PHYKPL: variants seen among roughly 807,000 people sequenced by gnomAD.
PHYKPL encodes the protein 5-phosphohydroxy-L-lysine phospho-lyase.
A neutral mutation model predicts 51.3 loss-of-function variants in PHYKPL; 42 were observed. That is an observed-to-expected ratio of 0.82 (90% CI 0.64 to 1.06). The LOEUF (loss-of-function observed/expected upper bound fraction) is 1.06. PHYKPL is among the 50% of genes least tolerant of loss of function. The probability of loss-of-function intolerance (pLI) is 0.00; values close to 1 mark genes in which losing one functional copy is unlikely to be tolerated. For missense variants in PHYKPL, 655 were observed against 586.6 expected (o/e 1.12, Z -1.20); for synonymous variants, 264 against 236.0 (o/e 1.12, Z -1.09).
intron 12 of PHYKPL, chr5:178,211,220 C>CGGGGG (rs56204741): frequency 2.1e-5 from 3 of 140,248 alleles, no homozygotes; most frequent in African/African-American, 8.0e-5. Context: ...TCGAGGGAGG[C>CGGGGG]GGGGGGGGGG....
chr5:178,223,943 G>T, intron 6 of PHYKPL: 1 of 192,386 alleles, frequency 5.2e-6, no homozygotes. Flanking sequence ...CCTCCACATA[G>T]CCCTGGAGTC....
At chr5:178,223,586 TCTC>T in intron 6 of PHYKPL, 1 of 419,686 alleles carries the variant, frequency 2.4e-6, no homozygotes, top group South Asian at 1.7e-5. Flanking sequence ...ATCAGAGCAA[TCTC>T]CTTTTTTAGG....
Position 178,231,448 on chromosome 5 carries a change from T to C in PHYKPL, c.135A>G (p.Glu45=), listed in dbSNP as rs147598478. 8.1e-5 allele frequency: 130 copies of C among 1,614,208 alleles called. No homozygotes were observed. The highest frequency in any genetic ancestry group is 3.3e-4 in the Middle Eastern group (2 of 6,062). Residue 45 remains glutamate (E), a synonymous_variant, in exon 2 of 13, where the codon GAA becomes GAG. Transcript: ENST00000308158. ...TGCAATCGATGTATTCTGCCCCCTGTTCATCGTACATGTACTGCCCTTGGG... is the reference window on the plus strand; with the variant it reads ...TGCAATCGATGTATTCTGCCCCCTGCTCATCGTACATGTACTGCCCTTGGG... ...VRAQGQYMYD[E]QGAEYIDCIS...
At chr5:178,225,253 C>T (rs1384804451) in intron 4 of PHYKPL, 102 bp downstream of exon 4, 3 of 1,365,234 alleles carry the variant, frequency 2.2e-6, no homozygotes, top group Admixed American at 3.8e-5. Context: ...AGCCCAGGCC[C>T]CTTATCCTCC....
chr5:178,217,220 CAACA>C lies in PHYKPL; in HGVS notation c.928-1794_928-1791del, dbSNP rs1759982002. On this transcript the variant is annotated intron_variant, in intron 8 of 12. Coordinates refer to ENST00000308158, the MANE Select transcript of PHYKPL (RefSeq NM_153373.4). Reference sequence around the variant, plus strand: ...AAATGAAGCATTTACTAGAGAGGCTCAACAGATTTTTTTTTTTTTTTTGAGACAG... The same window carrying C: ...AAATGAAGCATTTACTAGAGAGGCTCGATTTTTTTTTTTTTTTTGAGACAG... Among the ~76,000 whole-genome samples the C allele has an allele frequency of 2.1e-5, 3 of 144,728 alleles. No homozygotes were observed. The South Asian group carries it at 6.5e-4, about 32-fold the overall frequency. The allele number at this position is 144,728 out of a possible 152,430, so 94.9% of individuals were successfully genotyped here.
At chr5:178,229,754 G>A in intron 3 of PHYKPL, 186 bp downstream of exon 3, 1 of 619,278 alleles carries the variant, frequency 1.6e-6, no homozygotes, top group South Asian at 2.5e-5. Flanking sequence ...TTCAATAAGA[G>A]ACAAGGAAAC....
chr5:178,228,201 G>A, intron 3 of PHYKPL: 2 of 313,410 alleles, frequency 6.4e-6, no homozygotes, highest in East Asian at 1.3e-4. Context: ...ATCACCTGAG[G>A]AGAGGGCTCA....
intron 1 of PHYKPL, chr5:178,231,742 G>A (rs1414532628): frequency 3.3e-6 from 5 of 1,517,606 alleles, no homozygotes; most frequent in South Asian, 1.2e-5. Flanking sequence ...ACTTCGGATT[G>A]TTTCTGAAAG....
At chr5:178,226,679 G>A (rs1334196518) in intron 3 of PHYKPL, 1 of 152,102 alleles carries the variant, frequency 6.6e-6, no homozygotes, top group East Asian at 1.9e-4. Context: ...CTTCTAGCAG[G>A]ATATGGGGTG....
intron 12 of PHYKPL, chr5:178,210,780 C>CTAT (rs1554104296): frequency 2.0e-5 from 13 of 661,438 alleles, no homozygotes; most frequent in Middle Eastern, 4.0e-4. Context: ...CTCCTGTTGA[C>CTAT]TATTTCCAGA....
chr5:178,215,234 GC>G, intron 9 of PHYKPL, 41 bp downstream of exon 9: 5 of 1,613,258 alleles, frequency 3.1e-6, no homozygotes, highest in Non-Finnish European at 4.2e-6. Flanking sequence ...ACCACACTGG[GC>G]CTTGGCAGGT....
At chr5:178,210,213 A>G (rs759301237) in intron 12 of PHYKPL, 3 of 1,613,096 alleles carry the variant, frequency 1.9e-6, no homozygotes, top group Admixed American at 1.7e-5. Context: ...GGGCCTGGCT[A>G]TGGCGGCTAC....
rs150722124 is a variant in PHYKPL at position 178,213,043 on chromosome 5, A to T, written c.1233T>A (p.Phe411Leu). 39 of 1,614,226 alleles carry T rather than the reference A, an allele frequency of 2.4e-5. No individual in the cohort carries two copies. In the African/African-American group the frequency reaches 4.3e-4, roughly 18 times the overall value. ...CCAGGCTGAAGCACATTGGGGGCTT[A>T]AACTTCAGGATGTTCCTCCCAGGGC... ...TDGPGRNILK[F>L]KPPMCFSLDN... The change falls in exon 11 of 13, where the codon TTT becomes TTA. Residue 411 changes from phenylalanine to leucine, a missense_variant. Transcript: ENST00000308158.
In PHYKPL at chr5:178,232,075, G is replaced by A. The variant is rs1049279565; in HGVS notation, c.59+417C>T. 6 of 1,183,218 alleles carry A rather than the reference G, an allele frequency of 5.1e-6. No homozygotes were observed. In the African/African-American group the frequency reaches 6.4e-5, roughly 13 times the overall value. 73.3% of individuals were successfully genotyped at this position (1,183,218 alleles called of 1,614,324 possible). ...CGACTCCCCCGACTCTCCCTTGTCT[G>A]CCCTTTCAGCCCCCTCCCAGGTCAC... On this transcript the variant is annotated intron_variant, in intron 1 of 12. Coordinates refer to ENST00000308158, the MANE Select transcript of PHYKPL (RefSeq NM_153373.4).
intron 10 of PHYKPL, 30 bp downstream of exon 10, chr5:178,214,766 A>T (rs771823039): frequency 6.2e-7 from 1 of 1,608,666 alleles, no homozygotes; most frequent in East Asian, 2.2e-5. Context: ...CTCCTACTCC[A>T]GGAAGCAACT....
At chr5:178,232,054 T>C (rs1581398628) in intron 1 of PHYKPL, 6 of 1,182,606 alleles carry the variant, frequency 5.1e-6, no homozygotes, top group Non-Finnish European at 5.3e-6. Context: ...GTGAACCGAC[T>C]CCCCCGACTC....
At chr5:178,230,134 C>T in intron 2 of PHYKPL, 35 bp from the exon 3 acceptor site, 1 of 1,610,008 alleles carries the variant, frequency 6.2e-7, no homozygotes, top group Non-Finnish European at 8.5e-7. Context: ...ACGGCTGGCT[C>T]CACTCAGCCA....
intron 3 of PHYKPL, chr5:178,225,772 A>C: frequency 3.4e-6 from 1 of 291,794 alleles, no homozygotes; most frequent in Non-Finnish European, 6.7e-6. Context: ...ATATGTAAGG[A>C]TTTCTCCCCA....
At chr5:178,215,672 C>T (rs76750715) in intron 8 of PHYKPL, 44,895 of 515,036 alleles carry the variant, frequency 0.087, 2,392 homozygotes, top group Non-Finnish European at 0.1. Flanking sequence ...ACAGTAGGAG[C>T]CCCTAGAAGA....
Sources: allele counts gnomAD v4.1 joint callset (sites outside exome capture counted in the v4.1 genomes callset), GRCh38; gene constraint gnomAD v4.1.1; transcripts MANE v1.5; gene names NCBI Gene and HGNC (gene_info 2026-07-23, HGNC 2026-07-21).